ITGB5: variants seen among roughly 807,000 people sequenced by gnomAD.
ITGB5 encodes integrin subunit beta 5.
ITGB5 carries 38 observed loss-of-function variants against 84.8 expected under a neutral mutation model. That is an observed-to-expected ratio of 0.45 (90% CI 0.35 to 0.59). The LOEUF is 0.59. Among genes scored for constraint, ITGB5 ranks in the 20% least tolerant of loss-of-function variants. The pLI, the probability that ITGB5 is intolerant of heterozygous loss-of-function variation, is 0.01. For synonymous variants in ITGB5, 393 were observed against 414.4 expected (o/e 0.95, Z 0.63); for missense variants, 905 against 1,034.5 (o/e 0.87, Z 1.72).
intron 3 of ITGB5, among the ~76,000 whole-genome samples, chr3:124,856,306 A>C (rs575272809): frequency 6.6e-6 from 1 of 152,342 alleles, no homozygotes; most frequent in East Asian, 1.9e-4. Flanking sequence ...GGAATTATTA[A>C]AGTGTGGACA....
chr3:124,882,984 T>C (rs1404183817), intron 1 of ITGB5, among the ~76,000 whole-genome samples: 2 of 152,146 alleles, frequency 1.3e-5, no homozygotes, highest in Admixed American at 1.3e-4. Context: ...AGCATTCCTT[T>C]ACATTTATAG....
intron 7 of ITGB5, among the ~76,000 whole-genome samples, chr3:124,819,276 T>G (rs879877705): frequency 4.6e-5 from 7 of 152,190 alleles, no homozygotes; most frequent in Admixed American, 3.3e-4. Context: ...CTGTATTCAC[T>G]CAGGACATTT....
intron 3 of ITGB5, among the ~76,000 whole-genome samples, chr3:124,851,490 A>G (rs375394731): frequency 4.6e-5 from 7 of 152,138 alleles, no homozygotes; most frequent in Non-Finnish European, 1.0e-4. Flanking sequence ...TTTTCCAGAC[A>G]TGAGGGCTGA....
chr3:124,835,546 C>G (rs533964126), intron 5 of ITGB5, among the ~76,000 whole-genome samples: 2 of 152,338 alleles, frequency 1.3e-5, no homozygotes, highest in South Asian at 4.1e-4. Context: ...CTGGATCAAG[C>G]CCCGGAAACC....
chr3:124,864,401 C>T (rs530929315), intron 2 of ITGB5, among the ~76,000 whole-genome samples: 10 of 152,144 alleles, frequency 6.6e-5, no homozygotes, highest in South Asian at 2.1e-4. Flanking sequence ...CCACCACATC[C>T]GGCCCCTCAA....
chr3:124,813,981 A>T (rs983118159), intron 8 of ITGB5, among the ~76,000 whole-genome samples: 3 of 152,182 alleles, frequency 2.0e-5, no homozygotes, highest in African/African-American at 7.2e-5. Context: ...TTAGAACAAA[A>T]GATGTTCCTA....
At chr3:124,783,169 T>C (rs1432880194) in intron 10 of ITGB5, among the ~76,000 whole-genome samples, 1 of 150,972 alleles carries the variant, frequency 6.6e-6, no homozygotes, top group Non-Finnish European at 1.5e-5. Context: ...CAGGCGCCTG[T>C]AATTCCAGCT....
rs2063713164 is a variant in ITGB5 at position 124,762,877 on chromosome 3, A to G, written c.*746T>C. On this transcript the variant is annotated 3_prime_UTR_variant, in exon 15 of 15. Coordinates refer to ENST00000296181, the MANE Select transcript of ITGB5 (RefSeq NM_002213.5). ...GCCTGTGTCCCATCCCTGAGGAAGT[A>G]CACGGCCGCTTCAATCCCCACTGGG... 6.6e-6 allele frequency: 1 copy of G among 152,264 alleles called. No homozygotes were observed. The highest frequency in any genetic ancestry group is 1.5e-5 in the Non-Finnish European group (1 of 68,066). 9.4% of individuals were successfully genotyped at this position (152,264 alleles called of 1,614,324 possible). A position where few individuals can be genotyped will look rare whatever the true frequency, so the allele number is the denominator to read the frequency against.
chr3:124,863,636 A>G (rs1213944568), intron 2 of ITGB5, among the ~76,000 whole-genome samples: 1 of 152,148 alleles, frequency 6.6e-6, no homozygotes, highest in African/African-American at 2.4e-5. Flanking sequence ...CCGCCACCTT[A>G]GCCTCCGGAG....
intron 10 of ITGB5, chr3:124,792,111 T>G (rs1300562583): frequency 6.6e-6 from 1 of 152,196 alleles, no homozygotes; most frequent in African/African-American, 2.4e-5. Flanking sequence ...ACGTTTCAAC[T>G]AGTTGTTGCT....
Position 124,841,543 on chromosome 3 carries a change from A to C in ITGB5, c.620T>G (p.Leu207Trp). ...AAAGGAGGGGACGCAATTTGGAAAC[A>C]ACTTGTAACTAGAGAGGAAGAAGAG... ...YQTNPCIGYK[L>W]FPNCVPSFGF... Residue 207 changes from leucine to tryptophan, a missense_variant, in exon 5 of 15, where the codon TTG becomes TGG. Around this residue, in one of 3 missense-constraint regions of ITGB5, gnomAD observed 656 missense variants for 734.7 expected, o/e 0.89. Transcript: ENST00000296181. 6.2e-7 allele frequency: 1 copy of C among 1,613,466 alleles called. No homozygotes were observed. Among genetic ancestry groups the C allele is most frequent in the Non-Finnish European group, 8.5e-7 (1 of 1,179,768 alleles).
rs1475645125 is a variant in ITGB5, at chr3:124,796,790, G to C, written c.1291C>G (p.Arg431Gly). 4 of 1,609,890 alleles carry C rather than the reference G, an allele frequency of 2.5e-6. No homozygotes were observed. The South Asian group carries it at 4.4e-5, about 18-fold the overall frequency. Residue 431 changes from arginine (R) to glycine (G), a missense_variant, in exon 10 of 15, where the codon CGA becomes GGA. Coordinates refer to ENST00000296181, the MANE Select transcript of ITGB5 (RefSeq NM_002213.5). ...TASFEVSLEA[R>G]SCPSRHTEHV... ...TCCGTGTGTCTGCTGGGACAGCTTCGGGCCTCCAATGATACTTCAAAAGAT... is the reference window on the plus strand; with the variant it reads ...TCCGTGTGTCTGCTGGGACAGCTTCCGGCCTCCAATGATACTTCAAAAGAT...
chr3:124,778,888 G>T (rs1408050120), intron 10 of ITGB5, among the ~76,000 whole-genome samples: 5 of 152,116 alleles, frequency 3.3e-5, no homozygotes, highest in African/African-American at 1.2e-4. Context: ...CAACAGCAGA[G>T]GAGTTCAGGG....
At chr3:124,853,310 G>GT (rs2065181826) in intron 3 of ITGB5, among the ~76,000 whole-genome samples, 2 of 152,244 alleles carry the variant, frequency 1.3e-5, no homozygotes, top group African/African-American at 4.8e-5. Context: ...AGTCACTACA[G>GT]CAGAAGGCAC....
intron 8 of ITGB5, among the ~76,000 whole-genome samples, chr3:124,814,629 A>C (rs2064558622): frequency 6.6e-6 from 1 of 151,902 alleles, no homozygotes; most frequent in Non-Finnish European, 1.5e-5. Flanking sequence ...AATTTTCACA[A>C]AATTTTTGGT....
At chr3:124,803,057 CTCT>C (rs2064340759) in intron 9 of ITGB5, among the ~76,000 whole-genome samples, 1 of 152,226 alleles carries the variant, frequency 6.6e-6, no homozygotes. Flanking sequence ...AGTTCCCCTC[CTCT>C]TTAGTGTCGC....
intron 11 of ITGB5, 38 bp downstream of exon 11, chr3:124,773,652 G>A (rs1189467524): frequency 6.3e-7 from 1 of 1,592,490 alleles, no homozygotes; most frequent in Non-Finnish European, 8.6e-7. Flanking sequence ...GCCTGGCCTG[G>A]GTGAGAAGTA....
chr3:124,852,258 C>T (rs1002016917), intron 3 of ITGB5, among the ~76,000 whole-genome samples: 4 of 152,138 alleles, frequency 2.6e-5, no homozygotes, highest in Non-Finnish European at 5.9e-5. Flanking sequence ...CTTCCCTCTC[C>T]ACTTAGGGTC....
intron 2 of ITGB5, among the ~76,000 whole-genome samples, chr3:124,860,921 C>T (rs546413727): frequency 5.9e-5 from 9 of 152,156 alleles, no homozygotes; most frequent in Admixed American, 2.0e-4. Context: ...AAGAAGTCAG[C>T]CTGGTGTGGT....
Sources: allele counts gnomAD v4.1 joint callset (sites outside exome capture counted in the v4.1 genomes callset), GRCh38; gene constraint gnomAD v4.1.1; regional missense constraint gnomAD v4.1.1; transcripts MANE v1.5; gene names NCBI Gene and HGNC (gene_info 2026-07-23, HGNC 2026-07-21).